ENOX1: variants seen among roughly 807,000 people sequenced by gnomAD.
ENOX1 encodes the protein candidate growth-related and time keeping constitutive hydroquinone (NADH) oxidase.
Under a neutral mutation model 82.5 loss-of-function variants are expected in ENOX1, and 42 were observed. The observed-to-expected ratio is 0.51, with a 90% CI of 0.40 to 0.66. The LOEUF (loss-of-function observed/expected upper bound fraction) is 0.66. Among genes scored for constraint, ENOX1 ranks in the 30% least tolerant of loss-of-function variants. ENOX1 has a pLI of 0.00. For synonymous variants in ENOX1, 271 were observed against 282.2 expected (o/e 0.96, Z 0.40); for missense variants, 608 against 811.6 (o/e 0.75, Z 3.05).
intron 1 of ENOX1, among the ~76,000 whole-genome samples, chr13:43,712,939 C>T (rs2087832389): frequency 6.6e-6 from 1 of 152,196 alleles, no homozygotes; most frequent in South Asian, 2.1e-4. Context: ...GCCAGAACTT[C>T]CAACACTATG....
intron 1 of ENOX1, among the ~76,000 whole-genome samples, chr13:43,724,970 T>G (rs1341588765): frequency 6.6e-6 from 1 of 152,190 alleles, no homozygotes; most frequent in African/African-American, 2.4e-5. Context: ...ATTTTCATCA[T>G]GACCCACTGG....
At chr13:43,389,971 C>G (rs2052670762) in intron 5 of ENOX1, among the ~76,000 whole-genome samples, 1 of 152,046 alleles carries the variant, frequency 6.6e-6, no homozygotes, top group Non-Finnish European at 1.5e-5. Context: ...TCTGACCTAG[C>G]CTGTATGAAA....
chr13:43,518,839 A>C (rs1375827685), intron 2 of ENOX1, among the ~76,000 whole-genome samples: 1 of 152,214 alleles, frequency 6.6e-6, no homozygotes, highest in Non-Finnish European at 1.5e-5. Context: ...GAGAGATAGA[A>C]TAATTCATGT....
chr13:43,371,927 A>G (rs1220264738), intron 5 of ENOX1, among the ~76,000 whole-genome samples: 3 of 152,210 alleles, frequency 2.0e-5, no homozygotes, highest in Non-Finnish European at 4.4e-5. Context: ...ATATTAATTT[A>G]ATTTTTCTAC....
intron 2 of ENOX1, chr13:43,544,541 A>G (rs950077043): frequency 1.8e-4 from 28 of 152,128 alleles, no homozygotes; most frequent in African/African-American, 6.8e-4. Flanking sequence ...CACACAGTTG[A>G]TGCTTGATAA....
chr13:43,375,118 G>C (rs1475469740), intron 5 of ENOX1, among the ~76,000 whole-genome samples: 1 of 152,050 alleles, frequency 6.6e-6, no homozygotes, highest in Non-Finnish European at 1.5e-5. Flanking sequence ...TTCCTATTTT[G>C]GTGGCTTCTG....
At chr13:43,668,709 G>A (rs1566738858) in intron 1 of ENOX1, among the ~76,000 whole-genome samples, 1 of 152,158 alleles carries the variant, frequency 6.6e-6, no homozygotes, top group Non-Finnish European at 1.5e-5. Context: ...ATAGGGAAAG[G>A]TCAGCACAAG....
chr13:43,665,137 T>A (rs2084916555), intron 2 of ENOX1, among the ~76,000 whole-genome samples: 1 of 152,180 alleles, frequency 6.6e-6, no homozygotes, highest in African/African-American at 2.4e-5. Context: ...TAAGTGAATT[T>A]GCAGGGCTCC....
intron 9 of ENOX1, among the ~76,000 whole-genome samples, chr13:43,338,927 C>T (rs918622434): frequency 1.5e-4 from 23 of 152,034 alleles, no homozygotes; most frequent in African/African-American, 3.6e-4. Flanking sequence ...CCTCGTGATC[C>T]GCCCGCCTTG....
intron 2 of ENOX1, among the ~76,000 whole-genome samples, chr13:43,585,133 T>C (rs1455279614): frequency 6.6e-6 from 1 of 152,162 alleles, no homozygotes; most frequent in Non-Finnish European, 1.5e-5. Context: ...AAGGGTCCTA[T>C]AAAGAGGGAG....
intron 1 of ENOX1, among the ~76,000 whole-genome samples, chr13:43,758,878 T>C (rs2153834615): frequency 6.6e-6 from 1 of 152,284 alleles, no homozygotes; most frequent in Non-Finnish European, 1.5e-5. Flanking sequence ...GTAACAACAG[T>C]CAATAAACAT....
intron 1 of ENOX1, among the ~76,000 whole-genome samples, chr13:43,718,173 C>T (rs2088282757): frequency 6.6e-6 from 1 of 152,056 alleles, no homozygotes; most frequent in African/African-American, 2.4e-5. Context: ...CAAGGTAGTA[C>T]ATATGCACTA....
At position 43,470,408 on chromosome 13, in the gene ENOX1, A is replaced by ACACATATATATG. The variant is rs1403182803; in HGVS notation, c.-75+13600_-75+13601insCATATATATGTG. Among the ~76,000 whole-genome samples the ACACATATATATG allele has an allele frequency of 2.5e-4, 33 of 129,616 alleles. 1 individual carries two copies. The highest frequency in any genetic ancestry group is 3.7e-4 in the Non-Finnish European group (23 of 61,376). 85.0% of individuals were successfully genotyped at this position (129,616 alleles called of 152,430 possible). ...TATACGTATATATATGTGTATATAT[A>ACACATATATATG]TATATATATAACAGAGATAACCTTG... is the stretch of plus-strand genomic sequence containing the variant. On this transcript the variant is annotated intron_variant, in intron 3 of 16. Coordinates refer to ENST00000690772, the MANE Select transcript of ENOX1 (RefSeq NM_001347969.2).
intron 2 of ENOX1, among the ~76,000 whole-genome samples, chr13:43,589,669 A>AT (rs2081155191): frequency 6.6e-6 from 1 of 151,732 alleles, no homozygotes; most frequent in South Asian, 2.1e-4. Context: ...TGCCCAACTA[A>AT]TTTTTTATTT....
intron 1 of ENOX1, among the ~76,000 whole-genome samples, chr13:43,755,491 A>T (rs945273170): frequency 4.6e-5 from 7 of 152,056 alleles, no homozygotes; most frequent in Non-Finnish European, 1.5e-5. Flanking sequence ...TCTCTCTCTC[A>T]CTCACTCTAA....
At chr13:43,277,366 C>T (rs1386944693) in intron 12 of ENOX1, among the ~76,000 whole-genome samples, 2 of 152,192 alleles carry the variant, frequency 1.3e-5, no homozygotes, top group Admixed American at 6.5e-5. Flanking sequence ...ATCCTAATGT[C>T]AGCTAGACCG....
Position 43,258,938 on chromosome 13 carries a change from GT to G in ENOX1, c.1611+6459del, listed in dbSNP as rs2043903420. On this transcript the variant is annotated intron_variant, in intron 14 of 16. Coordinates refer to ENST00000690772, the MANE Select transcript of ENOX1 (RefSeq NM_001347969.2). ...TGATGGAATGAAACAGGACTAGCAG[GT>G]TTTGGTAAGTGAAAGGCATGAGGAC... 5.3e-5 allele frequency among the ~76,000 whole-genome samples: 8 copies of G among 152,324 alleles called. No homozygotes were observed. In the South Asian group the frequency reaches 1.7e-3, roughly 32 times the overall value.
chr13:43,721,757 T>C (rs922924541), intron 1 of ENOX1, among the ~76,000 whole-genome samples: 19 of 152,116 alleles, frequency 1.2e-4, no homozygotes, highest in African/African-American at 4.6e-4. Flanking sequence ...CACTGGACCT[T>C]ACAAATTAGA....
chr13:43,255,852 T>C (rs910770817), intron 14 of ENOX1, among the ~76,000 whole-genome samples: 2 of 152,120 alleles, frequency 1.3e-5, no homozygotes, highest in Admixed American at 6.5e-5. Context: ...CCCGAAGCAA[T>C]TTACAGATTC....
Sources: gnomAD v4.1 joint callset for allele counts (sites outside exome capture counted in the v4.1 genomes callset) on GRCh38, gnomAD v4.1.1 for gene constraint, MANE v1.5 for transcripts, NCBI Gene and HGNC (gene_info 2026-07-23, HGNC 2026-07-21) for gene names.